LRP1B: variants seen among roughly 807,000 people sequenced by gnomAD.
The protein encoded by LRP1B is low-density lipoprotein receptor-related protein 1B.
In LRP1B, 217 loss-of-function variants were observed where a neutral mutation model predicts 556.6. That is an observed-to-expected ratio of 0.39 (90% CI 0.35 to 0.44). The LOEUF (loss-of-function observed/expected upper bound fraction) is 0.44, where lower values mean the gene tolerates loss of function less well. Ranked by LOEUF, LRP1B falls within the 20% of genes least tolerant of loss-of-function variation. The pLI, the probability that LRP1B is intolerant of heterozygous loss-of-function variation, is 1.00. For synonymous variants in LRP1B, 2,047 were observed against 1,865.8 expected, an observed-to-expected ratio of 1.10 and a Z score of -2.50; for missense variants, 5,053 against 5,620.8, an observed-to-expected ratio of 0.90 and a Z score of 3.23.
At chr2:141,103,071 A>G (rs994454778) in intron 7 of LRP1B, among the ~76,000 whole-genome samples, 1 of 151,904 alleles carries the variant, frequency 6.6e-6, no homozygotes, top group African/African-American at 2.4e-5. Context: ...AATATTTCTT[A>G]CCTTGGTATT....
At chr2:141,587,630 C>A (rs960171597) in intron 2 of LRP1B, among the ~76,000 whole-genome samples, 5 of 152,130 alleles carry the variant, frequency 3.3e-5, no homozygotes, top group African/African-American at 9.7e-5. Context: ...CACTAAAATG[C>A]CTCCACATTC....
Position 140,814,379 on chromosome 2 carries a change from C to A in LRP1B, c.5210-573G>T, listed in dbSNP as rs77886144. 2.1e-3 allele frequency among the ~76,000 whole-genome samples: 313 copies of A among 152,260 alleles called. 8 individuals are homozygous for A. In the East Asian group the frequency reaches 0.058, roughly 28 times the overall value. On this transcript the variant is annotated intron_variant, in intron 31 of 90. Transcript: ENST00000389484. Reference sequence around the variant, plus strand: ...CATAATCTGTGCCACCAAGAAATGACAGCTCCATTTTACAGATACAAAAAA... The same window carrying A: ...CATAATCTGTGCCACCAAGAAATGAAAGCTCCATTTTACAGATACAAAAAA...
chr2:141,446,430 G>T (rs552817472), intron 3 of LRP1B, among the ~76,000 whole-genome samples: 1 of 152,136 alleles, frequency 6.6e-6, no homozygotes, highest in East Asian at 1.9e-4. Context: ...ATATTGTTAC[G>T]TGTGAATTTG....
At chr2:141,423,951 A>T (rs909486020) in intron 3 of LRP1B, among the ~76,000 whole-genome samples, 4 of 152,138 alleles carry the variant, frequency 2.6e-5, no homozygotes, top group African/African-American at 9.7e-5. Context: ...GTGTCTCAGT[A>T]TCAATAACTT....
chr2:140,648,700 G>A (rs532128476), intron 41 of LRP1B, among the ~76,000 whole-genome samples: 2 of 152,174 alleles, frequency 1.3e-5, no homozygotes, highest in South Asian at 4.1e-4. Flanking sequence ...ATAGCTTGAA[G>A]AATGGAAAGA....
chr2:141,232,498 A>T (rs951989407), intron 5 of LRP1B, among the ~76,000 whole-genome samples: 3 of 152,210 alleles, frequency 2.0e-5, no homozygotes, highest in African/African-American at 7.2e-5. Context: ...CATTCTTTGA[A>T]GAGAGGCCGG....
At chr2:142,046,087 CA>C (rs903783191) in intron 1 of LRP1B, among the ~76,000 whole-genome samples, 1 of 151,658 alleles carries the variant, frequency 6.6e-6, no homozygotes, top group Non-Finnish European at 1.5e-5. Flanking sequence ...AAGGAGAGAC[CA>C]AAAAAAGTAC....
intron 3 of LRP1B, among the ~76,000 whole-genome samples, chr2:141,339,652 C>T (rs138138967): frequency 0.012 from 1,789 of 152,192 alleles, 23 homozygotes; most frequent in Middle Eastern, 0.02. Flanking sequence ...TAACCACTGG[C>T]GAAACCAGTC....
intron 2 of LRP1B, among the ~76,000 whole-genome samples, chr2:141,494,328 C>G (rs1198088221): frequency 1.3e-5 from 2 of 152,124 alleles, no homozygotes; most frequent in African/African-American, 4.8e-5. Context: ...TGAAGCAACA[C>G]AAAACCCTAA....
intron 2 of LRP1B, among the ~76,000 whole-genome samples, chr2:141,689,451 C>T (rs2105442888): frequency 6.6e-6 from 1 of 151,858 alleles, no homozygotes; most frequent in Non-Finnish European, 1.5e-5. Context: ...AGGAGAAAAA[C>T]AATCTATACA....
In LRP1B at chr2:141,188,405, A is replaced by G. The variant is rs750699529; in HGVS notation, c.1013+16T>C. ...CGCAAACTTTTTTAGACCAAACACT[A>G]TAAAGAATTTCTTACCCTGCTATTG... On this transcript the variant is annotated intron_variant, in intron 7 of 90. Transcript: ENST00000389484. 8.7e-6 allele frequency: 14 copies of G among 1,608,076 alleles called. No homozygotes were observed. In the East Asian group the frequency reaches 1.1e-4, roughly 13 times the overall value.
chr2:141,113,340 A>G (rs562436141), intron 7 of LRP1B, among the ~76,000 whole-genome samples: 4 of 152,296 alleles, frequency 2.6e-5, no homozygotes, highest in African/African-American at 9.6e-5. Flanking sequence ...GATCCACTAA[A>G]AAGCTTTCTT....
rs530719316 is a variant in LRP1B at position 141,561,291 on chromosome 2, T to G, written c.206-80758A>C. Among the ~76,000 whole-genome samples the G allele has an allele frequency of 7.9e-5, 12 of 151,962 alleles. 1 individual carries two copies. In the South Asian group the frequency reaches 2.5e-3, roughly 31 times the overall value. The stretch of plus-strand genomic sequence containing the variant: ...AATCTACTAACATTGAAATTAAATA[T>G]TCCAGAACTTAAGCCAACTTCTATA... On this transcript the variant is annotated intron_variant, in intron 2 of 90. Coordinates refer to ENST00000389484, the MANE Select transcript of LRP1B (RefSeq NM_018557.3).
chr2:141,770,115 C>T (rs1694850292), intron 2 of LRP1B, among the ~76,000 whole-genome samples: 1 of 151,980 alleles, frequency 6.6e-6, no homozygotes, highest in African/African-American at 2.4e-5. Flanking sequence ...TGGCTCCCTC[C>T]TACTCCAATT....
chr2:141,107,078 A>T (rs2104954221), intron 7 of LRP1B, among the ~76,000 whole-genome samples: 1 of 152,124 alleles, frequency 6.6e-6, no homozygotes, highest in African/African-American at 2.4e-5. Context: ...GTATTCAATC[A>T]CTTTTCACTG....
At chr2:141,673,465 C>T (rs557464082) in intron 2 of LRP1B, among the ~76,000 whole-genome samples, 1 of 152,262 alleles carries the variant, frequency 6.6e-6, no homozygotes, top group African/African-American at 2.4e-5. Flanking sequence ...ACATTCCTAG[C>T]TCCTCCAACT....
chr2:141,555,341 T>C (rs1485576389), intron 2 of LRP1B, among the ~76,000 whole-genome samples: 2 of 151,988 alleles, frequency 1.3e-5, no homozygotes, highest in African/African-American at 4.8e-5. Flanking sequence ...GCCACAATTA[T>C]ATGTGTAACT....
chr2:141,275,240 C>T (rs1238456402), intron 3 of LRP1B, among the ~76,000 whole-genome samples: 1 of 152,054 alleles, frequency 6.6e-6, no homozygotes, highest in South Asian at 2.1e-4. Flanking sequence ...TGGTTCAGCT[C>T]TCTAGATAAT....
At chr2:141,793,077 C>A (rs1161511068) in intron 2 of LRP1B, among the ~76,000 whole-genome samples, 1 of 151,800 alleles carries the variant, frequency 6.6e-6, no homozygotes, top group Non-Finnish European at 1.5e-5. Flanking sequence ...GCAAGTTATT[C>A]TTTTATTTCA....
Sources: allele counts gnomAD v4.1 joint callset (sites outside exome capture counted in the v4.1 genomes callset), GRCh38; gene constraint gnomAD v4.1.1; transcripts MANE v1.5; gene names NCBI Gene and HGNC (gene_info 2026-07-23, HGNC 2026-07-21).